OAS2: variants seen among roughly 807,000 people sequenced by gnomAD.
OAS2 encodes 2'-5'-oligoadenylate synthase 2.
In OAS2, 67 loss-of-function variants were observed where a neutral mutation model predicts 71.3. The ratio of observed to expected loss-of-function variants is 0.94; its 90% CI spans 0.77 to 1.15. The LOEUF is 1.15. OAS2 is among the 50% of genes most tolerant of loss of function. OAS2 has a pLI of 0.00. For missense variants in OAS2, 789 were observed against 822.5 expected (o/e 0.96, Z 0.50); for synonymous variants, 327 against 321.8 (o/e 1.02, Z -0.17).
rs960129180 is a variant in OAS2 at position 113,009,704 on chromosome 12, G to T, written c.*449G>T. ...GATACCCAAAGGTCAAGAACACAGTGATTTTATTAGAAGTTTCATCCGCAA... is the reference window on the plus strand; with the variant it reads ...GATACCCAAAGGTCAAGAACACAGTTATTTTATTAGAAGTTTCATCCGCAA... On this transcript the variant is annotated 3_prime_UTR_variant, in exon 10 of 10. Transcript: ENST00000392583. 1.0e-6 allele frequency: 1 copy of T among 987,410 alleles called. No homozygotes were observed. The allele number at this position is 987,410 out of a possible 1,614,324, so 61.2% of individuals were successfully genotyped here.
Position 113,004,957 on chromosome 12 carries a change from A to C in OAS2, c.1203A>C (p.Thr401=), listed in dbSNP as rs754516199. 1 of 1,614,170 alleles carries C rather than the reference A, an allele frequency of 6.2e-7. No homozygotes were observed. Among genetic ancestry groups the C allele is most frequent in the Non-Finnish European group, 8.5e-7 (1 of 1,180,002 alleles). The change falls in exon 7 of 10, where the codon ACA becomes ACC. Residue 401 remains threonine, a synonymous_variant. Transcript: ENST00000392583. ...AGGGAGGATCAACCGCCAAAGGCACAGCTCTGAAGACTGGCTCTGATGCCG... is the reference window on the plus strand; with the variant it reads ...AGGGAGGATCAACCGCCAAAGGCACCGCTCTGAAGACTGGCTCTGATGCCG... ...IVRGGSTAKG[T]ALKTGSDADL...
chr12:112,994,010 C>T (rs1172517398), intron 2 of OAS2, among the ~76,000 whole-genome samples: 1 of 151,854 alleles, frequency 6.6e-6, no homozygotes, highest in Non-Finnish European at 1.5e-5. Flanking sequence ...GAAATTGACC[C>T]TTCTGATCTT....
At chr12:113,003,693 G>T (rs1160557277) in intron 6 of OAS2, among the ~76,000 whole-genome samples, 1 of 152,190 alleles carries the variant, frequency 6.6e-6, no homozygotes, top group Non-Finnish European at 1.5e-5. Context: ...TGTCATTCTT[G>T]TCCGTGGCTC....
intron 1 of OAS2, among the ~76,000 whole-genome samples, chr12:112,986,630 T>C (rs959133805): frequency 6.6e-6 from 1 of 152,096 alleles, no homozygotes; most frequent in African/African-American, 2.4e-5. Context: ...TGGTGGCAGG[T>C]GGGGCGAGCC....
At chr12:112,987,745 T>C (rs573311290) in intron 2 of OAS2, 1 of 1,006,392 alleles carries the variant, frequency 9.9e-7, no homozygotes, top group South Asian at 4.6e-5. Context: ...GAGGCAGACA[T>C]CTGGGAAAAG....
chr12:112,998,083 A>T (rs559182716), intron 4 of OAS2, among the ~76,000 whole-genome samples, 183 bp from the exon 5 acceptor site: 1 of 152,220 alleles, frequency 6.6e-6, no homozygotes, highest in Non-Finnish European at 1.5e-5. Context: ...ATGTCTCTGT[A>T]AAGCAGCAAA....
At chr12:112,988,722 A>T in intron 2 of OAS2, 1 of 985,430 alleles carries the variant, frequency 1.0e-6, no homozygotes, top group African/African-American at 1.7e-5. Flanking sequence ...ACTAACAAAG[A>T]ATGGCGCATT....
At position 112,995,611 on chromosome 12, in the gene OAS2, A is replaced by G. The variant is rs2044226927; in HGVS notation, c.627+137A>G. 3.7e-6 allele frequency: 3 copies of G among 806,076 alleles called. No individual in the cohort carries two copies. In the African/African-American group the frequency reaches 5.2e-5, roughly 14 times the overall value. The allele number at this position is 806,076 out of a possible 1,614,324, so 49.9% of individuals were successfully genotyped here. A position where few individuals can be genotyped will look rare whatever the true frequency, so the allele number is the denominator to read the frequency against. ...AATCTTACCAGCAACACCCAAATCA[A>G]CATAGGGAACGTTTCGTGTACCCCA... On this transcript the variant is annotated intron_variant, in intron 3 of 9. Transcript: ENST00000392583.
chr12:113,008,569 G>A (rs1413811447), intron 9 of OAS2, among the ~76,000 whole-genome samples: 2 of 152,168 alleles, frequency 1.3e-5, no homozygotes, highest in Non-Finnish European at 2.9e-5. Flanking sequence ...GCAATTAACA[G>A]CTTTCAAAAC....
In OAS2 at chr12:113,005,118, A is replaced by C; in HGVS notation, c.1364A>C (p.Glu455Ala). ...EKEEELEVSF[E>A]PPKWKAPRVL... Reference sequence around the variant, plus strand: ...GAGGAGGAGCTTGAAGTCAGCTTTGAGCCTCCCAAGTGGAAGGCTCCCAGG... The same window carrying C: ...GAGGAGGAGCTTGAAGTCAGCTTTGCGCCTCCCAAGTGGAAGGCTCCCAGG... The change falls in exon 7 of 10, where the codon GAG (glutamate) becomes GCG (alanine). Residue 455 changes from glutamate (E) to alanine (A), a missense_variant. Physicochemically the swap from Glu to Ala is moderately radical, Grantham distance 107. Transcript: ENST00000392583. 1 of 1,614,146 alleles carries C rather than the reference A, an allele frequency of 6.2e-7. No homozygotes were observed. The highest frequency in any genetic ancestry group is 1.6e-4 in the Middle Eastern group (1 of 6,062).
At chr12:113,001,526 A>G (rs948375688) in intron 5 of OAS2, among the ~76,000 whole-genome samples, 1 of 149,404 alleles carries the variant, frequency 6.7e-6, no homozygotes, top group Admixed American at 6.7e-5. Context: ...ATATACACAT[A>G]TATATATATA....
Position 113,006,420 on chromosome 12 carries a change from G to C in OAS2, c.1476G>C (p.Leu492=). The part of the protein sequence containing the change: ...VLPAFNALGQ[L]SSGSTPSPEV... ...ATCTCTCCCTCATGCCAGGTCAGCT[G>C]AGTTCTGGCTCCACACCCAGCCCCG... The change falls in exon 8 of 10, where the codon CTG becomes CTC. Residue 492 remains leucine, a synonymous_variant. Transcript: ENST00000392583. 2 of 1,556,926 alleles carry C rather than the reference G, an allele frequency of 1.3e-6. No homozygotes were observed. Among genetic ancestry groups the C allele is most frequent in the Non-Finnish European group, 1.8e-6 (2 of 1,138,312 alleles).
In OAS2 at chr12:113,010,486, G is replaced by GATC. The variant is rs376305691; in HGVS notation, c.*1235_*1237dup. ...AATAATTCTAAAAGAAACTTCTAGA[G>GATC]ATCATCTGGCAATCGCTTTTAAAGA... On this transcript the variant is annotated 3_prime_UTR_variant, in exon 10 of 10. Coordinates refer to ENST00000392583, the MANE Select transcript of OAS2 (RefSeq NM_002535.3). The GATC allele has an allele frequency of 1.1e-5, 18 of 1,611,818 alleles. No individual in the cohort carries two copies. In the African/African-American group the frequency reaches 1.2e-4, roughly 11 times the overall value.
intron 1 of OAS2, among the ~76,000 whole-genome samples, chr12:112,979,550 G>A (rs920680342): frequency 1.3e-5 from 2 of 152,168 alleles, no homozygotes; most frequent in African/African-American, 4.8e-5. Context: ...GTCAGAACTG[G>A]GATTTTAAGC....
Position 113,007,727 on chromosome 12 carries a change from A to G in OAS2, c.1679A>G (p.Lys560Arg), listed in dbSNP as rs1182979461. 1.2e-6 allele frequency: 2 copies of G among 1,613,962 alleles called. No homozygotes were observed. Among genetic ancestry groups the G allele is most frequent in the East Asian group, 2.2e-5 (1 of 44,896 alleles). ...TAGTGTGAAAGGAAACTGAAGCCAA[A>G]GGGGTCTTTGCCCCCAAAGTATGCC... The part of the protein sequence containing the change: ...YKECERKLKP[K>R]GSLPPKYALE... The change falls in exon 9 of 10, where the codon AAG (lysine) becomes AGG (arginine). Residue 560 changes from lysine (K) to arginine (R), a missense_variant. By Grantham distance (26) the Lys-to-Arg change is conservative. Transcript: ENST00000392583.
At chr12:112,984,555 C>T (rs1468753936) in intron 1 of OAS2, among the ~76,000 whole-genome samples, 2 of 152,046 alleles carry the variant, frequency 1.3e-5, no homozygotes, top group Non-Finnish European at 2.9e-5. Context: ...GAATTTAAAC[C>T]GTTGTTAAAT....
chr12:112,984,148 G>A (rs2044109354), intron 1 of OAS2, among the ~76,000 whole-genome samples: 1 of 152,188 alleles, frequency 6.6e-6, no homozygotes, highest in African/African-American at 2.4e-5. Context: ...TGTATTGGCA[G>A]TCTCTCGGTC....
Position 113,009,895 on chromosome 12 carries a change from G to C in OAS2, c.*640G>C. ...AAGATATACCTGATATATTCCACCA[G>C]GATATCCTCCCTCCAGATATACTTG... On this transcript the variant is annotated 3_prime_UTR_variant, in exon 10 of 10. Transcript: ENST00000392583. The C allele has an allele frequency of 5.1e-6, 5 of 987,038 alleles. No individual in the cohort carries two copies. The highest frequency in any genetic ancestry group is 6.0e-6 in the Non-Finnish European group (5 of 831,254). The allele number at this position is 987,038 out of a possible 1,614,324, so 61.1% of individuals were successfully genotyped here.
Position 113,004,925 on chromosome 12 carries a change from C to T in OAS2, c.1180-9C>T. ...AAATTCTGGATCTCAACCTTCCTTT[C>T]TTCCTTAGGGAGGATCAACCGCCAA... On this transcript the variant is annotated splice_polypyrimidine_tract_variant and intron_variant, in intron 6 of 9. Transcript: ENST00000392583. The T allele has an allele frequency of 6.2e-7, 1 of 1,611,122 alleles. No homozygotes were observed. The highest frequency in any genetic ancestry group is 8.5e-7 in the Non-Finnish European group (1 of 1,177,694).
Sources: gnomAD v4.1 joint callset for allele counts (sites outside exome capture counted in the v4.1 genomes callset) on GRCh38, gnomAD v4.1.1 for gene constraint, MANE v1.5 for transcripts, NCBI Gene and HGNC (gene_info 2026-07-23, HGNC 2026-07-21) for gene names.